BMPR1B: variants seen among roughly 807,000 people sequenced by gnomAD.
The protein encoded by BMPR1B is bone morphogenetic protein receptor type-1B.
In BMPR1B, 12 loss-of-function variants were observed where a neutral mutation model predicts 59.1. The observed-to-expected ratio is 0.20, with a 90% CI of 0.13 to 0.33. The LOEUF (loss-of-function observed/expected upper bound fraction) is 0.33. Among genes scored for constraint, BMPR1B ranks in the 10% least tolerant of loss-of-function variants. The probability of loss-of-function intolerance (pLI) is 1.00; values close to 1 mark genes in which losing one functional copy is unlikely to be tolerated. For synonymous variants in BMPR1B, 237 were observed against 207.3 expected (o/e 1.14, Z -1.23); for missense variants, 550 against 610.9 (o/e 0.90, Z 1.05).
intron 2 of BMPR1B, among the ~76,000 whole-genome samples, chr4:94,926,268 T>C (rs1369805945): frequency 1.3e-5 from 2 of 151,956 alleles, no homozygotes; most frequent in Non-Finnish European, 2.9e-5. Flanking sequence ...CTTTTCGTTC[T>C]GAATAGATGT....
At chr4:94,766,271 GA>G (rs906119225) in intron 1 of BMPR1B, among the ~76,000 whole-genome samples, 22 of 151,934 alleles carry the variant, frequency 1.4e-4, no homozygotes, top group African/African-American at 4.6e-4. Flanking sequence ...AGAACTATGG[GA>G]AAAAAATTGA....
At chr4:95,032,840 T>C (rs1724976568) in intron 3 of BMPR1B, among the ~76,000 whole-genome samples, 1 of 152,186 alleles carries the variant, frequency 6.6e-6, no homozygotes, top group Non-Finnish European at 1.5e-5. Context: ...GCTGTGAACA[T>C]GGGCATACAA....
rs550788299 is a variant in BMPR1B at position 95,114,907 on chromosome 4, G to A, written c.246+85G>A. 1.4e-4 allele frequency: 179 copies of A among 1,325,790 alleles called. 2 individuals carry two copies. In the South Asian group the frequency reaches 1.7e-3, roughly 13 times the overall value. The allele number at this position is 1,325,790 out of a possible 1,614,324, so 82.1% of individuals were successfully genotyped here. A position where few individuals can be genotyped will look rare whatever the true frequency, so the allele number is the denominator to read the frequency against. On this transcript the variant is annotated intron_variant, in intron 5 of 12. Transcript: ENST00000515059. Reference sequence around the variant, plus strand: ...GCAAGATAAAACCATTCTTTTTCTTGGCCAGCCCATTTTTAGTATAGTCAT... The same window carrying A: ...GCAAGATAAAACCATTCTTTTTCTTAGCCAGCCCATTTTTAGTATAGTCAT...
chr4:94,911,413 G>T (rs1728268576), intron 2 of BMPR1B, among the ~76,000 whole-genome samples: 1 of 152,002 alleles, frequency 6.6e-6, no homozygotes, highest in Non-Finnish European at 1.5e-5. Context: ...GAACAGAGGG[G>T]AAGAAAGCCA....
At chr4:94,982,638 A>G (rs541536776) in intron 2 of BMPR1B, among the ~76,000 whole-genome samples, 4 of 152,276 alleles carry the variant, frequency 2.6e-5, no homozygotes, top group African/African-American at 4.8e-5. Flanking sequence ...GCCAAAAACA[A>G]CCATGCCTTT....
intron 2 of BMPR1B, among the ~76,000 whole-genome samples, chr4:94,906,239 T>C (rs1234550339): frequency 6.6e-6 from 1 of 152,100 alleles, no homozygotes; most frequent in Non-Finnish European, 1.5e-5. Context: ...TTAAGTCTAG[T>C]TGATTTGAAA....
chr4:94,869,601 G>A (rs566351413), intron 1 of BMPR1B, among the ~76,000 whole-genome samples: 1 of 152,128 alleles, frequency 6.6e-6, no homozygotes, highest in African/African-American at 2.4e-5. Flanking sequence ...CTGAATTAGA[G>A]GTATGTTCCA....
intron 2 of BMPR1B, among the ~76,000 whole-genome samples, chr4:94,989,550 AG>A (rs1420195473): frequency 1.3e-5 from 2 of 152,314 alleles, no homozygotes; most frequent in African/African-American, 4.8e-5. Context: ...CCAAGCTAAA[AG>A]TACCAATATA....
At position 95,131,508 on chromosome 4, in the gene BMPR1B, A is replaced by G. The variant is rs1454953723; in HGVS notation, c.1072A>G (p.Ile358Val). Residue 358 changes from isoleucine (I) to valine (V), a missense_variant, in exon 10 of 13, where the codon ATT becomes GTT. Physicochemically the swap from Ile to Val is conservative, Grantham distance 29. Around this residue, in one of 6 missense-constraint regions of BMPR1B, gnomAD observed 318 missense variants for 284.6 expected, o/e 1.12. Transcript: ENST00000515059. ...IADLGLAVKF[I>V]SDTNEVDIPP... Reference sequence around the variant, plus strand: ...TGACCTGGGCCTGGCTGTTAAATTTATTAGGTTAGTATCAAAGTGAACAAA... The same window carrying G: ...TGACCTGGGCCTGGCTGTTAAATTTGTTAGGTTAGTATCAAAGTGAACAAA... 1.2e-6 allele frequency: 2 copies of G among 1,614,004 alleles called. No homozygotes were observed. The highest frequency in any genetic ancestry group is 1.7e-6 in the Non-Finnish European group (2 of 1,179,938).
At chr4:94,826,197 C>T (rs925742905) in intron 1 of BMPR1B, among the ~76,000 whole-genome samples, 2 of 152,170 alleles carry the variant, frequency 1.3e-5, no homozygotes, top group Admixed American at 1.3e-4. Flanking sequence ...AACATTAGTT[C>T]TTAAATAGGG....
intron 8 of BMPR1B, among the ~76,000 whole-genome samples, chr4:95,125,447 A>G (rs1164558709): frequency 6.6e-6 from 1 of 152,114 alleles, no homozygotes; most frequent in Non-Finnish European, 1.5e-5. Flanking sequence ...CTGGCTTTTG[A>G]AGGCTAAAGT....
At chr4:95,035,917 G>C (rs542324249) in intron 3 of BMPR1B, among the ~76,000 whole-genome samples, 1 of 152,252 alleles carries the variant, frequency 6.6e-6, no homozygotes, top group Non-Finnish European at 1.5e-5. Flanking sequence ...CACCAGCATG[G>C]TATGTATTTC....
intron 2 of BMPR1B, among the ~76,000 whole-genome samples, chr4:94,919,364 C>T (rs1008496446): frequency 6.6e-6 from 1 of 152,152 alleles, no homozygotes; most frequent in Non-Finnish European, 1.5e-5. Context: ...GTAAGAAGTA[C>T]ATTTAAAATT....
intron 6 of BMPR1B, among the ~76,000 whole-genome samples, chr4:95,118,403 T>C (rs559169504): frequency 6.6e-6 from 1 of 152,350 alleles, no homozygotes; most frequent in African/African-American, 2.4e-5. Context: ...ATATGATTTT[T>C]TTCTTCTATT....
At chr4:95,128,551 A>G (rs1308507367) in intron 8 of BMPR1B, among the ~76,000 whole-genome samples, 2 of 152,158 alleles carry the variant, frequency 1.3e-5, no homozygotes, top group Non-Finnish European at 2.9e-5. Flanking sequence ...ATTTAATGCC[A>G]CTTAACTCAT....
intron 1 of BMPR1B, among the ~76,000 whole-genome samples, chr4:94,873,689 T>TGA (rs1726595761): frequency 6.6e-6 from 1 of 152,198 alleles, no homozygotes. Flanking sequence ...ATTACAGGCG[T>TGA]GAGCTGCCGT....
intron 3 of BMPR1B, among the ~76,000 whole-genome samples, chr4:95,027,306 T>C (rs942635018): frequency 5.3e-5 from 8 of 152,220 alleles, no homozygotes; most frequent in Admixed American, 5.2e-4. Flanking sequence ...GTACTGATTA[T>C]TTCATAATTT....
At chr4:94,833,442 CT>C (rs1724681001) in intron 1 of BMPR1B, among the ~76,000 whole-genome samples, 1 of 152,144 alleles carries the variant, frequency 6.6e-6, no homozygotes, top group African/African-American at 2.4e-5. Flanking sequence ...GTTTTCCACA[CT>C]TTTTTCTTTT....
chr4:95,070,637 T>G (rs988496336), intron 3 of BMPR1B, among the ~76,000 whole-genome samples: 2 of 152,062 alleles, frequency 1.3e-5, no homozygotes, highest in African/African-American at 4.8e-5. Flanking sequence ...GTGAGGAAGT[T>G]TTGCCTTGAG....
Sources: allele counts gnomAD v4.1 joint callset (sites outside exome capture counted in the v4.1 genomes callset), GRCh38; gene constraint gnomAD v4.1.1; regional missense constraint gnomAD v4.1.1; transcripts MANE v1.5; gene names NCBI Gene and HGNC (gene_info 2026-07-23, HGNC 2026-07-21).